MAGI2: variants seen among roughly 807,000 people sequenced by gnomAD.
The protein encoded by MAGI2 is membrane associated guanylate kinase, WW and PDZ domain containing 2, also known as membrane-associated guanylate kinase, WW and PDZ domain-containing protein 2.
MAGI2 carries 35 observed loss-of-function variants against 133.3 expected under a neutral mutation model. That is an observed-to-expected ratio of 0.26 (90% CI 0.20 to 0.35). MAGI2 has a LOEUF of 0.35. MAGI2 is among the 10% of genes least tolerant of loss of function. The pLI is 1.00. For missense variants in MAGI2, 1,636 were observed against 1,863.4 expected, an observed-to-expected ratio of 0.88 and a Z score of 2.25; for synonymous variants, 729 against 710.6, an observed-to-expected ratio of 1.03 and a Z score of -0.41.
chr7:78,843,193 C>A (rs1037592819), intron 2 of MAGI2, among the ~76,000 whole-genome samples: 3 of 152,016 alleles, frequency 2.0e-5, no homozygotes, highest in African/African-American at 7.2e-5. Flanking sequence ...CAAGTTGTGA[C>A]AACCAAATGT....
intron 15 of MAGI2, among the ~76,000 whole-genome samples, chr7:78,160,594 T>G (rs1824875616): frequency 6.6e-6 from 1 of 152,242 alleles, no homozygotes; most frequent in African/African-American, 2.4e-5. Context: ...ATTGAGGTTC[T>G]TCTTTGCATA....
At chr7:79,313,122 A>C (rs955560065) in intron 1 of MAGI2, among the ~76,000 whole-genome samples, 5 of 149,706 alleles carry the variant, frequency 3.3e-5, no homozygotes, top group Non-Finnish European at 7.4e-5. Flanking sequence ...AGGTAAAACT[A>C]TATGGCTCAC....
At chr7:78,685,464 TCG>T (rs1351063163) in intron 2 of MAGI2, among the ~76,000 whole-genome samples, 3 of 70,872 alleles carry the variant, frequency 4.2e-5, no homozygotes, top group South Asian at 4.5e-4. Flanking sequence ...TTTGTCATTG[TCG>T]TTTTTTTTTT....
intron 1 of MAGI2, among the ~76,000 whole-genome samples, chr7:79,399,939 G>A (rs912009797): frequency 6.6e-6 from 1 of 152,088 alleles, no homozygotes; most frequent in Admixed American, 6.6e-5. Context: ...CATATTCAAA[G>A]TCTTTAGAAG....
chr7:79,230,494 T>C (rs1373738669), intron 1 of MAGI2, among the ~76,000 whole-genome samples: 2 of 152,008 alleles, frequency 1.3e-5, no homozygotes, highest in East Asian at 3.9e-4. Flanking sequence ...CTAACTGGTG[T>C]GAGATGGTAT....
chr7:79,286,843 T>C (rs1247936369), intron 1 of MAGI2, among the ~76,000 whole-genome samples: 1 of 152,106 alleles, frequency 6.6e-6, no homozygotes, highest in Non-Finnish European at 1.5e-5. Flanking sequence ...GGTCACTGAT[T>C]CCTATCTTTA....
At chr7:78,459,665 T>G (rs929830393) in intron 6 of MAGI2, among the ~76,000 whole-genome samples, 17 of 152,242 alleles carry the variant, frequency 1.1e-4, no homozygotes, top group African/African-American at 4.1e-4. Context: ...TTTATTTTCA[T>G]GCAGATATTT....
At chr7:78,563,370 G>A (rs1201454978) in intron 3 of MAGI2, among the ~76,000 whole-genome samples, 1 of 152,174 alleles carries the variant, frequency 6.6e-6, no homozygotes, top group East Asian at 1.9e-4. Context: ...ACCTGGGGCA[G>A]CATGCACCTT....
At chr7:78,090,945 T>G (rs1243203313) in intron 20 of MAGI2, among the ~76,000 whole-genome samples, 1 of 152,208 alleles carries the variant, frequency 6.6e-6, no homozygotes, top group African/African-American at 2.4e-5. Context: ...ATAGTTATTC[T>G]ATAACTACCT....
chr7:78,389,041 G>C lies in MAGI2; in HGVS notation c.1046-19828C>G, dbSNP rs1043291643. 5.9e-5 allele frequency among the ~76,000 whole-genome samples: 9 copies of C among 152,104 alleles called. 1 individual carries two copies. The highest frequency in any genetic ancestry group is 1.9e-4 in the African/African-American group (8 of 41,424). On this transcript the variant is annotated intron_variant, in intron 6 of 21. Transcript: ENST00000354212. ...TCAGAGATAATACTTGAAAGTGAAAGATAAAATCTGTGTTTTAGAATTACA... is the reference window on the plus strand; with the variant it reads ...TCAGAGATAATACTTGAAAGTGAAACATAAAATCTGTGTTTTAGAATTACA...
At chr7:79,106,507 A>G (rs1307101868) in intron 1 of MAGI2, among the ~76,000 whole-genome samples, 2 of 152,194 alleles carry the variant, frequency 1.3e-5, no homozygotes, top group Non-Finnish European at 2.9e-5. Flanking sequence ...GAAAAATATG[A>G]TAAAATATTA....
intron 1 of MAGI2, among the ~76,000 whole-genome samples, chr7:79,406,037 ACT>A (rs1845785040): frequency 6.6e-6 from 1 of 151,842 alleles, no homozygotes; most frequent in Non-Finnish European, 1.5e-5. Flanking sequence ...TATGCATTTG[ACT>A]CTATAGAATA....
intron 3 of MAGI2, among the ~76,000 whole-genome samples, chr7:78,611,629 G>C (rs935673543): frequency 7.7e-4 from 117 of 152,284 alleles, no homozygotes; most frequent in African/African-American, 2.7e-3. Flanking sequence ...AAAATGTGAT[G>C]TACACAGTGG....
intron 16 of MAGI2, among the ~76,000 whole-genome samples, chr7:78,144,160 A>C (rs1483219318): frequency 1.3e-5 from 2 of 152,170 alleles, no homozygotes; most frequent in Non-Finnish European, 2.9e-5. Flanking sequence ...TATATGTGTG[A>C]ACTTAAATAA....
rs141784292 is a variant in MAGI2 at position 79,179,441 on chromosome 7, G to C, written c.302-172235C>G. 8.3e-3 allele frequency among the ~76,000 whole-genome samples: 1,259 copies of C among 151,950 alleles called. 29 individuals are homozygous for C. Among genetic ancestry groups the C allele is most frequent in the African/African-American group, 0.029 (1,185 of 41,376 alleles). On this transcript the variant is annotated intron_variant, in intron 1 of 21. Transcript: ENST00000354212. Reference sequence around the variant, plus strand: ...AAAAAACAATCATACAATTCATGTGGAATCAAGAAAGAATCCAAAATGACA... The same window carrying C: ...AAAAAACAATCATACAATTCATGTGCAATCAAGAAAGAATCCAAAATGACA...
intron 2 of MAGI2, among the ~76,000 whole-genome samples, chr7:78,676,002 A>C (rs1237789883): frequency 6.6e-6 from 1 of 152,128 alleles, no homozygotes; most frequent in African/African-American, 2.4e-5. Flanking sequence ...TTAAAAGTTA[A>C]AAGGATATTG....
intron 1 of MAGI2, among the ~76,000 whole-genome samples, chr7:79,265,728 C>T (rs1202611845): frequency 6.6e-6 from 1 of 151,872 alleles, no homozygotes; most frequent in Non-Finnish European, 1.5e-5. Flanking sequence ...GGGGTGCTGC[C>T]TGGGAGGTGA....
At chr7:78,168,665 A>G (rs1436817703) in intron 14 of MAGI2, among the ~76,000 whole-genome samples, 1 of 152,190 alleles carries the variant, frequency 6.6e-6, no homozygotes, top group Admixed American at 6.5e-5. Context: ...AATCAGACCT[A>G]CTTCATGGAG....
chr7:79,128,100 AGATAGTT>A (rs1237776069), intron 1 of MAGI2, among the ~76,000 whole-genome samples: 1 of 152,132 alleles, frequency 6.6e-6, no homozygotes, highest in Non-Finnish European at 1.5e-5. Flanking sequence ...GTCAAAGATC[AGATAGTT>A]GTAGATATGC....
Sources: gnomAD v4.1 joint callset for allele counts (sites outside exome capture counted in the v4.1 genomes callset) on GRCh38, gnomAD v4.1.1 for gene constraint, MANE v1.5 for transcripts, NCBI Gene and HGNC (gene_info 2026-07-23, HGNC 2026-07-21) for gene names.